Variants in CRACR2A observed in about 807,000 individuals in gnomAD.
CRACR2A encodes calcium release activated channel regulator 2A, also known as EF-hand calcium-binding domain-containing protein 4B.
CRACR2A carries 79 observed loss-of-function variants against 90.5 expected under a neutral mutation model. That is an observed-to-expected ratio of 0.87 (90% CI 0.73 to 1.05). The LOEUF is 1.05. Ranked by LOEUF, CRACR2A falls within the 50% of genes least tolerant of loss-of-function variation. The pLI is 0.00. For missense variants in CRACR2A, 823 were observed against 897.2 expected, an observed-to-expected ratio of 0.92 and a Z score of 1.06; for synonymous variants, 338 against 356.7, an observed-to-expected ratio of 0.95 and a Z score of 0.59.
chr12:3,691,106 C>T (rs745718603), intron 4 of CRACR2A, among the ~76,000 whole-genome samples: 10 of 152,286 alleles, frequency 6.6e-5, no homozygotes, highest in Non-Finnish European at 1.0e-4. Flanking sequence ...CTTTATCCAG[C>T]TTGTCACTCT....
chr12:3,735,828 C>G (rs771440001), intron 1 of CRACR2A, among the ~76,000 whole-genome samples: 21 of 152,196 alleles, frequency 1.4e-4, no homozygotes, highest in Non-Finnish European at 2.5e-4. Flanking sequence ...AGAGTTAGAA[C>G]CTCCGCAGGT....
intron 17 of CRACR2A, among the ~76,000 whole-genome samples, chr12:3,621,670 A>AAAAAAAAAAAAAAAAAAAAAAAAAAC: frequency 1.4e-5 from 2 of 144,430 alleles, no homozygotes; most frequent in African/African-American, 5.1e-5. Context: ...AAAAAAAAAA[A>AAAAAAAAAAAAAAAAAAAAAAAAAAC]AAAAAAAAAA....
chr12:3,622,665 T>A (rs1944170372), intron 17 of CRACR2A, among the ~76,000 whole-genome samples: 1 of 152,192 alleles, frequency 6.6e-6, no homozygotes, highest in East Asian at 1.9e-4. Flanking sequence ...TTTTAATATC[T>A]ATTTGCTAGG....
At chr12:3,640,136 C>A (rs1483727915) in intron 13 of CRACR2A, among the ~76,000 whole-genome samples, 3 of 152,242 alleles carry the variant, frequency 2.0e-5, no homozygotes, top group African/African-American at 7.2e-5. Context: ...TTCTGTAATA[C>A]CTGCATCACG....
At chr12:3,648,307 G>C in intron 11 of CRACR2A, 1 of 1,441,420 alleles carries the variant, frequency 6.9e-7, no homozygotes, top group Non-Finnish European at 9.1e-7. Context: ...GAGTGGGGCA[G>C]AGCCTCCCCA....
chr12:3,678,688 G>T (rs947537929), intron 6 of CRACR2A, among the ~76,000 whole-genome samples: 12 of 151,936 alleles, frequency 7.9e-5, no homozygotes, highest in Non-Finnish European at 1.2e-4. Context: ...GAATAGGAAT[G>T]ATTCCTAAAG....
chr12:3,702,864 A>G (rs1160175418), intron 3 of CRACR2A, among the ~76,000 whole-genome samples: 1 of 152,192 alleles, frequency 6.6e-6, no homozygotes, highest in Admixed American at 6.5e-5. Flanking sequence ...ATTGGAAGAC[A>G]AACACTACCT....
At chr12:3,670,736 G>A (rs1170900851) in intron 7 of CRACR2A, among the ~76,000 whole-genome samples, 2 of 152,206 alleles carry the variant, frequency 1.3e-5, no homozygotes, top group African/African-American at 4.8e-5. Context: ...CAGCTGGTAA[G>A]TGCCAGTGGC....
chr12:3,721,962 A>G (rs569159614), intron 2 of CRACR2A, among the ~76,000 whole-genome samples: 1 of 152,352 alleles, frequency 6.6e-6, no homozygotes, highest in South Asian at 2.1e-4. Context: ...CAGGAGGGCT[A>G]GAAAGCCTTG....
At chr12:3,646,209 C>A (rs530540306) in intron 11 of CRACR2A, among the ~76,000 whole-genome samples, 2 of 152,322 alleles carry the variant, frequency 1.3e-5, no homozygotes, top group South Asian at 2.1e-4. Flanking sequence ...CTGCAGAATG[C>A]ACTTGGGGAT....
At position 3,654,296 on chromosome 12, in the gene CRACR2A, C is replaced by T. The variant is rs774736241; in HGVS notation, c.962G>A (p.Arg321Gln). The T allele has an allele frequency of 1.7e-5, 27 of 1,613,840 alleles. No individual in the cohort carries two copies. The highest frequency in any genetic ancestry group is 3.3e-4 in the Middle Eastern group (2 of 6,076). The change falls in exon 10 of 20, where the codon CGG becomes CAG. Residue 321 changes from arginine (R) to glutamine (Q), a missense_variant. Transcript: ENST00000440314. Reference sequence around the variant, plus strand: ...AGCATCCTGGAGCTCCCAGGAAGTCCGCTCCAGCTCCCGGGCCAGCTCCTG... The same window carrying T: ...AGCATCCTGGAGCTCCCAGGAAGTCTGCTCCAGCTCCCGGGCCAGCTCCTG... Reference protein sequence around the residue: ...TNQELARELERTSWELQDAQQ... With the variant: ...TNQELARELEQTSWELQDAQQ...
chr12:3,633,295 T>C lies in CRACR2A; in HGVS notation c.1735+309A>G, dbSNP rs1229978380. On this transcript the variant is annotated intron_variant, in intron 15 of 19. Transcript: ENST00000440314. This position sits in a 1 kb window ranked among gnomAD's most constrained non-coding sequence, Gnocchi z 4.5. The stretch of plus-strand genomic sequence containing the variant: ...AGTGGTCAAAAGGAGGGGGTACTCA[T>C]TGAAGAGGGGAAGGGGACCCAAATC... Among the ~76,000 whole-genome samples the C allele has an allele frequency of 4.6e-5, 7 of 151,916 alleles. No homozygotes were observed. Among genetic ancestry groups the C allele is most frequent in the African/African-American group, 1.5e-4 (6 of 41,342 alleles).
intron 4 of CRACR2A, among the ~76,000 whole-genome samples, chr12:3,684,457 A>T (rs1255252260): frequency 6.6e-6 from 1 of 152,134 alleles, no homozygotes; most frequent in Non-Finnish European, 1.5e-5. Flanking sequence ...AGGGGAAGGC[A>T]GGGGAGGGAC....
rs755783006 is a variant in CRACR2A at position 3,633,655 on chromosome 12, G to A, written c.1684C>T (p.Leu562=). The change falls in exon 15 of 20, where the codon CTG becomes TTG. Residue 562 remains leucine, a synonymous_variant. Transcript: ENST00000440314. The surrounding 1 kb of genome is among the most constrained non-coding windows in gnomAD (Gnocchi z 4.5). The part of the protein sequence containing the change: ...GNSAVGKTSF[L]RRFCEDRFSP... ...AACCGGTCCTCACAGAATCTCCTCAGGAAGGATGTCTTCCCCACCGCGGAA... is the reference window on the plus strand; with the variant it reads ...AACCGGTCCTCACAGAATCTCCTCAAGAAGGATGTCTTCCCCACCGCGGAA... 6.4e-7 allele frequency: 1 copy of A among 1,551,740 alleles called. No individual in the cohort carries two copies. Among genetic ancestry groups the A allele is most frequent in the South Asian group, 1.2e-5 (1 of 84,064 alleles).
chr12:3,625,899 C>T (rs1944248489), intron 17 of CRACR2A, among the ~76,000 whole-genome samples: 1 of 151,930 alleles, frequency 6.6e-6, no homozygotes, highest in African/African-American at 2.4e-5. Context: ...GTGCTGCCAA[C>T]AACAACAACA....
chr12:3,742,137 G>A (rs2137900826), intron 1 of CRACR2A, among the ~76,000 whole-genome samples: 1 of 152,336 alleles, frequency 6.6e-6, no homozygotes, highest in South Asian at 2.1e-4. Flanking sequence ...ATCATGAACA[G>A]CTGCCTTTGG....
chr12:3,632,401 A>C lies in CRACR2A; in HGVS notation c.1735+1203T>G, dbSNP rs374783005. ...TCATTTTTCAAATGAGAGAAAACTG[A>C]AGCCCTAAGAGGCACCACATCCTCT... is the stretch of plus-strand genomic sequence containing the variant. On this transcript the variant is annotated intron_variant, in intron 15 of 19. Transcript: ENST00000440314. Among the ~76,000 whole-genome samples the C allele has an allele frequency of 1.8e-4, 27 of 152,356 alleles. 1 individual carries two copies. The East Asian group carries it at 4.4e-3, about 25-fold the overall frequency.
chr12:3,627,281 G>A (rs1944282594), intron 17 of CRACR2A, among the ~76,000 whole-genome samples, 155 bp downstream of exon 17: 1 of 152,164 alleles, frequency 6.6e-6, no homozygotes, highest in Non-Finnish European at 1.5e-5. Context: ...GAACCCAGAC[G>A]AACAGAGGAA....
chr12:3,719,359 C>T (rs1467368632), intron 2 of CRACR2A, among the ~76,000 whole-genome samples: 1 of 152,168 alleles, frequency 6.6e-6, no homozygotes, highest in Admixed American at 6.5e-5. Flanking sequence ...TTGTCCTCCT[C>T]CATAGTAGGT....
Sources: allele counts gnomAD v4.1 joint callset (sites outside exome capture counted in the v4.1 genomes callset), GRCh38; gene constraint gnomAD v4.1.1; non-coding constraint Gnocchi (gnomAD v3.1); transcripts MANE v1.5; gene names NCBI Gene and HGNC (gene_info 2026-07-23, HGNC 2026-07-21).